Variants in PRKD1 observed in about 807,000 individuals in gnomAD.
PRKD1 encodes protein kinase D1, also known as serine/threonine-protein kinase D1.
A neutral mutation model predicts 95.9 loss-of-function variants in PRKD1; 63 were observed. That is an observed-to-expected ratio of 0.66 (90% CI 0.54 to 0.81). PRKD1 has a LOEUF of 0.81. Among genes scored for constraint, PRKD1 ranks in the 30% least tolerant of loss-of-function variants. The pLI is 0.00. For missense variants in PRKD1, 1,048 were observed against 1,165.3 expected (o/e 0.90, Z 1.47); for synonymous variants, 425 against 423.1 (o/e 1.00, Z -0.05).
chr14:29,611,761 C>G (rs77520931), intron 13 of PRKD1, among the ~76,000 whole-genome samples: 1 of 97,888 alleles, frequency 1.0e-5, no homozygotes, highest in Non-Finnish European at 2.4e-5. Flanking sequence ...AAAAAAAAAA[C>G]AAACGCTGGA....
At chr14:29,618,769 G>T (rs1363233409) in intron 13 of PRKD1, among the ~76,000 whole-genome samples, 4 of 62,216 alleles carry the variant, frequency 6.4e-5, no homozygotes, top group Non-Finnish European at 9.6e-5. Flanking sequence ...GTTATATAGA[G>T]AAAATGAAAT....
chr14:29,822,091 T>G (rs1366658528), intron 1 of PRKD1, among the ~76,000 whole-genome samples: 1 of 152,214 alleles, frequency 6.6e-6, no homozygotes, highest in African/African-American at 2.4e-5. Flanking sequence ...TTTTTAAATT[T>G]TATGATTAAT....
intron 16 of PRKD1, chr14:29,593,973 AG>A (rs1893214715): frequency 3.1e-6 from 1 of 320,332 alleles, no homozygotes; most frequent in African/African-American, 2.2e-5. Flanking sequence ...AACAATGTAT[AG>A]TGTAAAGAAT....
intron 1 of PRKD1, among the ~76,000 whole-genome samples, chr14:29,835,649 C>G (rs936154191): frequency 6.6e-6 from 1 of 152,198 alleles, no homozygotes; most frequent in Non-Finnish European, 1.5e-5. Context: ...TGGCTCACCA[C>G]AGCCTCTGCC....
intron 1 of PRKD1, among the ~76,000 whole-genome samples, chr14:29,840,649 G>T (rs1196710917): frequency 6.6e-6 from 1 of 152,224 alleles, no homozygotes; most frequent in Non-Finnish European, 1.5e-5. Context: ...TGGACTTACA[G>T]TTCCACATGG....
intron 1 of PRKD1, among the ~76,000 whole-genome samples, chr14:29,879,576 T>C (rs1205481951): frequency 2.0e-5 from 3 of 152,164 alleles, no homozygotes; most frequent in Admixed American, 6.5e-5. Context: ...AAATTTGTAC[T>C]GGGAGTGGGG....
At chr14:29,805,343 C>T (rs1448899693) in intron 1 of PRKD1, among the ~76,000 whole-genome samples, 1 of 152,138 alleles carries the variant, frequency 6.6e-6, no homozygotes, top group Non-Finnish European at 1.5e-5. Context: ...CTCAAGCTGT[C>T]CTCCTTGCAA....
intron 2 of PRKD1, among the ~76,000 whole-genome samples, chr14:29,689,559 T>G (rs896785638): frequency 1.1e-4 from 17 of 152,182 alleles, no homozygotes; most frequent in African/African-American, 4.1e-4. Context: ...TGGAAGACAG[T>G]GTGGTGATTC....
intron 12 of PRKD1, among the ~76,000 whole-genome samples, chr14:29,625,542 AT>A (rs910155386): frequency 2.0e-5 from 3 of 150,976 alleles, no homozygotes; most frequent in East Asian, 1.9e-4. Flanking sequence ...ATCTACCATA[AT>A]TTTTTTTTGC....
intron 1 of PRKD1, among the ~76,000 whole-genome samples, chr14:29,750,208 A>C (rs1887412069): frequency 6.6e-6 from 1 of 152,206 alleles, no homozygotes; most frequent in South Asian, 2.1e-4. Flanking sequence ...ATTTTTAAAA[A>C]ATACTAAGTC....
chr14:29,694,773 A>G (rs566377589), intron 2 of PRKD1, among the ~76,000 whole-genome samples: 1 of 152,280 alleles, frequency 6.6e-6, no homozygotes, highest in South Asian at 2.1e-4. Context: ...CACTTCAGTA[A>G]GAGTGAGAAA....
intron 1 of PRKD1, among the ~76,000 whole-genome samples, chr14:29,807,102 CAG>C (rs1027212250): frequency 3.3e-4 from 50 of 152,208 alleles, no homozygotes; most frequent in African/African-American, 1.1e-3. Flanking sequence ...GGTCTCTTGA[CAG>C]GGGATGATTT....
At chr14:29,584,762 A>G (rs990611046) in intron 16 of PRKD1, among the ~76,000 whole-genome samples, 23 of 152,332 alleles carry the variant, frequency 1.5e-4, no homozygotes, top group Non-Finnish European at 3.1e-4. Context: ...ACAACTCTAC[A>G]AAATATAACA....
At chr14:29,640,896 C>T (rs1476475380) in intron 4 of PRKD1, among the ~76,000 whole-genome samples, 1 of 152,160 alleles carries the variant, frequency 6.6e-6, no homozygotes, top group Non-Finnish European at 1.5e-5. Context: ...GCTGTGCTAA[C>T]AGAGCCAGTT....
At chr14:29,627,471 AT>A (rs1418719229) in intron 11 of PRKD1, among the ~76,000 whole-genome samples, 1 of 152,192 alleles carries the variant, frequency 6.6e-6, no homozygotes, top group Non-Finnish European at 1.5e-5. Flanking sequence ...CAAAAGTCTA[AT>A]TCTTTCTCTT....
intron 16 of PRKD1, among the ~76,000 whole-genome samples, chr14:29,583,274 A>C (rs563478011): frequency 1.3e-5 from 2 of 152,164 alleles, no homozygotes; most frequent in Non-Finnish European, 2.9e-5. Flanking sequence ...TTCAGGCAAT[A>C]AACAGATGCC....
intron 1 of PRKD1, among the ~76,000 whole-genome samples, chr14:29,794,057 C>T (rs2139200943): frequency 6.6e-6 from 1 of 152,134 alleles, no homozygotes; most frequent in Non-Finnish European, 1.5e-5. Context: ...GTTTCACTGC[C>T]ATAGAATGTA....
intron 1 of PRKD1, among the ~76,000 whole-genome samples, chr14:29,866,573 C>A (rs932688680): frequency 6.6e-6 from 1 of 152,070 alleles, no homozygotes; most frequent in African/African-American, 2.4e-5. Context: ...AAAGCACAGA[C>A]AAAAGGAGGC....
At chr14:29,608,657 G>C (rs540439855) in intron 13 of PRKD1, among the ~76,000 whole-genome samples, 59 of 152,180 alleles carry the variant, frequency 3.9e-4, no homozygotes, top group African/African-American at 1.4e-3. Flanking sequence ...GCTATCATGG[G>C]GTACCTTGCT....
Sources: gnomAD v4.1 joint callset for allele counts (sites outside exome capture counted in the v4.1 genomes callset) on GRCh38, gnomAD v4.1.1 for gene constraint, MANE v1.5 for transcripts, NCBI Gene and HGNC (gene_info 2026-07-23, HGNC 2026-07-21) for gene names.